Variants in IL22RA1 observed in about 807,000 individuals in gnomAD.
IL22RA1 encodes interleukin 22 receptor subunit alpha 1.
A neutral mutation model predicts 32.8 loss-of-function variants in IL22RA1; 25 were observed. The observed-to-expected ratio is 0.76, with a 90% CI of 0.55 to 1.06. IL22RA1 has a LOEUF of 1.06. Ranked by LOEUF, IL22RA1 falls within the 50% of genes least tolerant of loss-of-function variation. The probability of loss-of-function intolerance (pLI) is 0.00; values close to 1 mark genes in which losing one functional copy is unlikely to be tolerated. For synonymous variants in IL22RA1, 305 were observed against 305.0 expected, an observed-to-expected ratio of 1.00 and a Z score of 0.00; for missense variants, 709 against 727.4, an observed-to-expected ratio of 0.97 and a Z score of 0.29.
At chr1:24,135,003 T>C in intron 3 of IL22RA1, 1 of 166,098 alleles carries the variant, frequency 6.0e-6, no homozygotes, top group Non-Finnish European at 1.2e-5. Context: ...TCATTTACCC[T>C]GAATCTAATT....
chr1:24,130,169 T>A (rs1262945273), intron 4 of IL22RA1, among the ~76,000 whole-genome samples: 1 of 152,140 alleles, frequency 6.6e-6, no homozygotes, highest in Non-Finnish European at 1.5e-5. Context: ...AGGAGAAATG[T>A]CGATGGGTAC....
At position 24,143,059 on chromosome 1, in the gene IL22RA1, C is replaced by A; in HGVS notation, c.24G>T (p.Leu8Phe). 6.2e-7 allele frequency: 1 copy of A among 1,613,442 alleles called. No homozygotes were observed. The highest frequency in any genetic ancestry group is 1.1e-5 in the South Asian group (1 of 90,762). Residue 8 changes from leucine (L) to phenylalanine (F), a missense_variant, in exon 1 of 7, where the codon TTG becomes TTT. Coordinates refer to ENST00000270800, the MANE Select transcript of IL22RA1 (RefSeq NM_021258.4). ...ACTCACCAGCCAGGGATCCCACAGT[C>A]AAGATGGTCAGCAGCGTCCTCATCG... Reference protein sequence around the residue: MRTLLTILTVGSLAAHAP... With the variant: MRTLLTIFTVGSLAAHAP...
intron 1 of IL22RA1, among the ~76,000 whole-genome samples, chr1:24,142,331 A>G (rs1424857560): frequency 6.6e-6 from 1 of 152,208 alleles, no homozygotes; most frequent in African/African-American, 2.4e-5. Context: ...CTTCCTAAGG[A>G]AGTTCCCTGA....
intron 4 of IL22RA1, 91 bp from the exon 5 acceptor site, chr1:24,128,370 G>T: frequency 6.7e-7 from 1 of 1,492,090 alleles, no homozygotes. Flanking sequence ...CCTGGATTCT[G>T]GTTTGATGCT....
Position 24,137,288 on chromosome 1 carries a change from C to A in IL22RA1, c.198G>T (p.Val66=), listed in dbSNP as rs1240129198. 1 of 1,613,990 alleles carries A rather than the reference C, an allele frequency of 6.2e-7. No individual in the cohort carries two copies. Among genetic ancestry groups the A allele is most frequent in the Non-Finnish European group, 8.5e-7 (1 of 1,180,012 alleles). ...EYKTYGERDW[V]AKKGCQRITR... is the part of the protein sequence containing the mutation. ...TGATCCGCTGACAGCCCTTCTTTGC[C>A]ACCCAGTCCCTCTCTCCGTACCTGC... is the stretch of plus-strand genomic sequence containing the variant. The change falls in exon 3 of 7, where the codon GTG becomes GTT. Residue 66 remains valine, a synonymous_variant. Coordinates refer to ENST00000270800, the MANE Select transcript of IL22RA1 (RefSeq NM_021258.4).
chr1:24,128,333 A>G, intron 4 of IL22RA1, 54 bp from the exon 5 acceptor site: 1 of 1,609,112 alleles, frequency 6.2e-7, no homozygotes, highest in Non-Finnish European at 8.5e-7. Flanking sequence ...ATCTCCACAT[A>G]GAGCCCAAGG....
rs1386672970 is a variant in IL22RA1 at position 24,121,698 on chromosome 1, TG to T, written c.831del (p.Phe277LeufsTer7). 4.4e-6 allele frequency: 7 copies of T among 1,573,988 alleles called. No individual in the cohort carries two copies. Among genetic ancestry groups the T allele is most frequent in the Non-Finnish European group, 6.1e-6 (7 of 1,156,912 alleles). On this transcript the variant is annotated frameshift_variant, in exon 7 of 7. Coordinates refer to ENST00000270800, the MANE Select transcript of IL22RA1 (RefSeq NM_021258.4). LOFTEE classifies it low-confidence loss of function (END_TRUNC). ...ACAGGGATCAGGACGTGCTCCTGGA[TG>T]AAGCGCAGCGGCTGGAAAGTCAGGA... ...QRVLTFQPLR[F>X]IQEHVLIPVF... is the part of the protein sequence containing the mutation.
At chr1:24,131,177 T>C (rs540148596) in intron 4 of IL22RA1, among the ~76,000 whole-genome samples, 2 of 152,330 alleles carry the variant, frequency 1.3e-5, no homozygotes, top group Admixed American at 1.3e-4. Context: ...ACCCACTGAA[T>C]TATCTCAAAA....
chr1:24,137,408 G>T, intron 2 of IL22RA1, 99 bp from the exon 3 acceptor site: 1 of 1,123,122 alleles, frequency 8.9e-7, no homozygotes, highest in Non-Finnish European at 1.3e-6. Context: ...TATTTACTTA[G>T]CACGTTCAGT....
At chr1:24,124,392 A>G (rs1644147280) in intron 5 of IL22RA1, among the ~76,000 whole-genome samples, 1 of 152,184 alleles carries the variant, frequency 6.6e-6, no homozygotes, top group South Asian at 2.1e-4. Context: ...CTAGGGCTCT[A>G]GTGCCTGAGC....
rs777025231 is a variant in IL22RA1 at position 24,121,444 on chromosome 1, T to A, written c.1086A>T (p.Pro362=). Residue 362 remains proline (P), a synonymous_variant, in exon 7 of 7, where the codon CCA becomes CCT. Transcript: ENST00000270800. ...CGGGGGTCACCTGAGGTGCATAGGA[T>A]GGGGGCCCGACCTCAGGGGCAGCGT... is the stretch of plus-strand genomic sequence containing the variant. ...APNAAPEVGP[P]SYAPQVTPEA... is the part of the protein sequence containing the mutation. 3 of 1,546,564 alleles carry A rather than the reference T, an allele frequency of 1.9e-6. No individual in the cohort carries two copies. Among genetic ancestry groups the A allele is most frequent in the Non-Finnish European group, 1.7e-6 (2 of 1,144,364 alleles).
chr1:24,140,760 T>TGGCTCGG (rs1644275693), intron 1 of IL22RA1, among the ~76,000 whole-genome samples: 3 of 152,238 alleles, frequency 2.0e-5, no homozygotes, highest in Non-Finnish European at 4.4e-5. Context: ...AGCTGGCAGC[T>TGGCTCGG]GGCTCGGAGC....
In IL22RA1 at chr1:24,121,400, T is replaced by C. The variant is rs1440902758; in HGVS notation, c.1130A>G (p.Tyr377Cys). 1.3e-6 allele frequency: 2 copies of C among 1,555,162 alleles called. No homozygotes were observed. Among genetic ancestry groups the C allele is most frequent in the African/African-American group, 1.4e-5 (1 of 73,226 alleles). Residue 377 changes from tyrosine to cysteine, a missense_variant, in exon 7 of 7, where the codon TAC becomes TGC. Physicochemically the swap from Tyr to Cys is radical, Grantham distance 194. Coordinates refer to ENST00000270800, the MANE Select transcript of IL22RA1 (RefSeq NM_021258.4). The stretch of plus-strand genomic sequence containing the variant: ...GACCTTAGAGATGGCCTGTGGGGCG[T>C]AGAATGGGAATTGAGCTTCGGGGGT... The part of the protein sequence containing the change: ...QVTPEAQFPF[Y>C]APQAISKVQP...
chr1:24,123,478 C>T (rs1349168401), intron 5 of IL22RA1, 55 bp from the exon 6 acceptor site: 5 of 1,585,680 alleles, frequency 3.2e-6, no homozygotes, highest in South Asian at 1.1e-5. Flanking sequence ...CTGCCTGGGC[C>T]CGGTTGGGTC....
chr1:24,127,221 A>G (rs375395859), intron 5 of IL22RA1, among the ~76,000 whole-genome samples: 18 of 151,832 alleles, frequency 1.2e-4, no homozygotes, highest in East Asian at 3.9e-4. Context: ...AAAAAACCCA[A>G]CTGTATCTAT....
At chr1:24,134,992 C>A (rs1023357371) in intron 3 of IL22RA1, 3 of 173,524 alleles carry the variant, frequency 1.7e-5, no homozygotes, top group African/African-American at 7.2e-5. Flanking sequence ...ATTCATGGAC[C>A]TCATTTACCC....
chr1:24,123,402 A>AAC lies in IL22RA1; in HGVS notation c.691_692insGT (p.Phe231CysfsTer20), dbSNP rs1159273781. ...CATGGAGAACAGGAAGGCTCCGGAG[A>AAC]AGGAGTAGGTCCATGTCCGGTCTGG... On this transcript the variant is annotated frameshift_variant, in exon 6 of 7. Transcript: ENST00000270800. LOFTEE classifies it high-confidence loss of function. 2 of 1,613,814 alleles carry AAC rather than the reference A, an allele frequency of 1.2e-6. No homozygotes were observed. The highest frequency in any genetic ancestry group is 2.2e-5 in the South Asian group (2 of 90,972).
At chr1:24,129,602 C>T (rs1644190659) in intron 4 of IL22RA1, among the ~76,000 whole-genome samples, 1 of 152,160 alleles carries the variant, frequency 6.6e-6, no homozygotes, top group Admixed American at 6.5e-5. Flanking sequence ...TTAAAGGATC[C>T]AGAAATCTTC....
At chr1:24,134,478 C>T in intron 3 of IL22RA1, 92 bp from the exon 4 acceptor site, 3 of 906,132 alleles carry the variant, frequency 3.3e-6, no homozygotes, top group Non-Finnish European at 4.6e-6. Flanking sequence ...ATGACTGCTC[C>T]CTCTCTCCTT....
Sources: allele counts gnomAD v4.1 joint callset (sites outside exome capture counted in the v4.1 genomes callset), GRCh38; gene constraint gnomAD v4.1.1; transcripts MANE v1.5; gene names NCBI Gene and HGNC (gene_info 2026-07-23, HGNC 2026-07-21).